The following PIK3CD variants were observed in gnomAD, a reference collection of about 807,000 sequenced individuals.
PIK3CD encodes phosphatidylinositol-4,5-bisphosphate 3-kinase catalytic subunit delta, also known as phosphatidylinositol 4,5-bisphosphate 3-kinase catalytic subunit delta isoform.
Under a neutral mutation model 122.9 loss-of-function variants are expected in PIK3CD, and 20 were observed. The ratio of observed to expected loss-of-function variants is 0.16; its 90% CI spans 0.11 to 0.24. The LOEUF (loss-of-function observed/expected upper bound fraction) is 0.24, where lower values mean the gene tolerates loss of function less well. PIK3CD is among the 10% of genes least tolerant of loss of function. The pLI is 1.00. For missense variants in PIK3CD, 787 were observed against 1,406.3 expected (o/e 0.56, Z 7.04); for synonymous variants, 596 against 593.4 (o/e 1.00, Z -0.06).
intron 1 of PIK3CD, among the ~76,000 whole-genome samples, chr1:9,661,522 G>A (rs1479958638): frequency 6.6e-6 from 1 of 152,112 alleles, no homozygotes; most frequent in Non-Finnish European, 1.5e-5. Flanking sequence ...TGGAGTAGCC[G>A]GGACTGTAGG....
chr1:9,656,303 C>T (rs1323189876), intron 1 of PIK3CD, among the ~76,000 whole-genome samples: 1 of 152,142 alleles, frequency 6.6e-6, no homozygotes, highest in Non-Finnish European at 1.5e-5. Context: ...TATATGCTTA[C>T]CAACTGACCA....
intron 1 of PIK3CD, among the ~76,000 whole-genome samples, chr1:9,683,629 T>C (rs538895368): frequency 6.6e-6 from 1 of 152,002 alleles, no homozygotes; most frequent in African/African-American, 2.4e-5. Flanking sequence ...AACTATTTAG[T>C]GGGGTTGTTT....
intron 2 of PIK3CD, among the ~76,000 whole-genome samples, chr1:9,697,440 T>A (rs1208419910): frequency 1.3e-5 from 2 of 151,576 alleles, no homozygotes; most frequent in Admixed American, 1.3e-4. Flanking sequence ...ATGCCTGTAA[T>A]CCCAGGACTT....
intron 1 of PIK3CD, among the ~76,000 whole-genome samples, chr1:9,682,477 A>T (rs1311393720): frequency 6.6e-6 from 1 of 152,012 alleles, no homozygotes; most frequent in African/African-American, 2.4e-5. Context: ...ACCTCAGGTG[A>T]TCTGCCCACC....
At chr1:9,662,996 C>G (rs1222372426) in intron 1 of PIK3CD, among the ~76,000 whole-genome samples, 2 of 152,126 alleles carry the variant, frequency 1.3e-5, no homozygotes, top group Non-Finnish European at 2.9e-5. Context: ...GCAGCGGTTC[C>G]ATTTCTTTAT....
At chr1:9,716,934 C>G (rs1470786307) in intron 6 of PIK3CD, 25 bp from the exon 7 acceptor site, 1 of 1,613,528 alleles carries the variant, frequency 6.2e-7, no homozygotes, top group Admixed American at 1.7e-5. Flanking sequence ...GCCCCACCAG[C>G]CGCTCACCCT....
rs933479371 is a variant in PIK3CD at position 9,718,497 on chromosome 1, C to G, written c.1021-197C>G. ...GTAGCTGAGACAGGGCACCCATGCACAGCCCGTGGTACCCTCCCTCACCCC... is the reference window on the plus strand; with the variant it reads ...GTAGCTGAGACAGGGCACCCATGCAGAGCCCGTGGTACCCTCCCTCACCCC... On this transcript the variant is annotated intron_variant, in intron 8 of 23. Transcript: ENST00000377346. This position sits in a 1 kb window ranked among gnomAD's most constrained non-coding sequence, Gnocchi z 7.2. Among the ~76,000 whole-genome samples, 1 of 152,102 alleles carries G rather than the reference C, an allele frequency of 6.6e-6. No individual in the cohort carries two copies. The highest frequency in any genetic ancestry group is 1.5e-5 in the Non-Finnish European group (1 of 67,992).
At position 9,726,164 on chromosome 1, in the gene PIK3CD, G is replaced by A. The variant is rs765066180; in HGVS notation, c.2998-745G>A. On this transcript the variant is annotated intron_variant, in intron 23 of 23. Transcript: ENST00000377346. Reference sequence around the variant, plus strand: ...AGAGACTGAGGCTGCAGTAAGCCTAGATCGCGCCACTGCACTCCAGCTCGG... The same window carrying A: ...AGAGACTGAGGCTGCAGTAAGCCTAAATCGCGCCACTGCACTCCAGCTCGG... Among the ~76,000 whole-genome samples, 9 of 152,156 alleles carry A rather than the reference G, an allele frequency of 5.9e-5. No individual in the cohort carries two copies. The Middle Eastern group carries it at 0.02, about 345-fold the overall frequency.
chr1:9,656,313 A>G (rs1353626913), intron 1 of PIK3CD, among the ~76,000 whole-genome samples: 2 of 152,202 alleles, frequency 1.3e-5, no homozygotes, highest in Non-Finnish European at 2.9e-5. Flanking sequence ...CCAACTGACC[A>G]TTCCAAATCC....
rs1443789252 is a variant in PIK3CD, at chr1:9,717,529, G to A, written c.931-8G>A. 1 of 1,613,664 alleles carries A rather than the reference G, an allele frequency of 6.2e-7. No individual in the cohort carries two copies. The highest frequency in any genetic ancestry group is 8.5e-7 in the Non-Finnish European group (1 of 1,179,728). ...CCGTGTTAACAGCCCTGCTTCCCCGGCCCCCAGCCTTCCTCTGTGTCCCTG... is the reference window on the plus strand; with the variant it reads ...CCGTGTTAACAGCCCTGCTTCCCCGACCCCCAGCCTTCCTCTGTGTCCCTG... On this transcript the variant is annotated splice_region_variant and splice_polypyrimidine_tract_variant and intron_variant, in intron 7 of 23. Coordinates refer to ENST00000377346, the MANE Select transcript of PIK3CD (RefSeq NM_005026.5). The surrounding 1 kb of genome is among the most constrained non-coding windows in gnomAD (Gnocchi z 5.4).
intron 1 of PIK3CD, among the ~76,000 whole-genome samples, chr1:9,667,739 CTTTTTT>C (rs367559680): frequency 2.2e-5 from 3 of 136,956 alleles, no homozygotes; most frequent in African/African-American, 8.1e-5. Flanking sequence ...TTTTCTTTTT[CTTTTTT>C]TTTTTTTTTG....
chr1:9,652,045 C>T lies in PIK3CD; in HGVS notation c.-138+243C>T, dbSNP rs893559401. ...GCCCTAGAGGCCCGGGGCCGTCCCCCGTGGGCCCGCCGAGAGGGGCGTGCG... is the reference window on the plus strand; with the variant it reads ...GCCCTAGAGGCCCGGGGCCGTCCCCTGTGGGCCCGCCGAGAGGGGCGTGCG... On this transcript the variant is annotated intron_variant, in intron 1 of 23. Transcript: ENST00000377346. The surrounding 1 kb of genome is among the most constrained non-coding windows in gnomAD (Gnocchi z 6.2). Among the ~76,000 whole-genome samples, 1 of 151,794 alleles carries T rather than the reference C, an allele frequency of 6.6e-6. No homozygotes were observed. The highest frequency in any genetic ancestry group is 2.4e-5 in the African/African-American group (1 of 41,352).
In PIK3CD at chr1:9,692,593, A is replaced by G. The variant is rs557340583; in HGVS notation, c.-33+1022A>G. ...AAAATACAAAAAATTAGCTGGGCGT[A>G]GTGGTGGGCACCTGTAATCCCAGCT... is the stretch of plus-strand genomic sequence containing the variant. On this transcript the variant is annotated intron_variant, in intron 2 of 23. Coordinates refer to ENST00000377346, the MANE Select transcript of PIK3CD (RefSeq NM_005026.5). Among the ~76,000 whole-genome samples the G allele has an allele frequency of 7.2e-5, 11 of 152,082 alleles. No homozygotes were observed. The East Asian group carries it at 9.7e-4, about 13-fold the overall frequency.
At position 9,717,129 on chromosome 1, in the gene PIK3CD, TC is replaced by T; in HGVS notation, c.930+25del. 2 of 1,613,594 alleles carry T rather than the reference TC, an allele frequency of 1.2e-6. No homozygotes were observed. The highest frequency in any genetic ancestry group is 2.2e-5 in the South Asian group (2 of 91,072). On this transcript the variant is annotated intron_variant, in intron 7 of 23. Coordinates refer to ENST00000377346, the MANE Select transcript of PIK3CD (RefSeq NM_005026.5). The surrounding 1 kb of genome is among the most constrained non-coding windows in gnomAD (Gnocchi z 5.4). ...AGAAGGTGAGATGGCGCCTTCCGCC[TC>T]CCCTCTGAGCCACCCCTTCTTTCCA...
intron 1 of PIK3CD, among the ~76,000 whole-genome samples, chr1:9,687,719 A>C (rs2100379461): frequency 6.6e-6 from 1 of 152,282 alleles, no homozygotes; most frequent in African/African-American, 2.4e-5. Flanking sequence ...GAGCGCGTGT[A>C]TGAGCACGAG....
intron 1 of PIK3CD, among the ~76,000 whole-genome samples, chr1:9,678,868 G>A (rs140600592): frequency 6.6e-6 from 1 of 152,266 alleles, no homozygotes; most frequent in African/African-American, 2.4e-5. Context: ...CCTTTCTGGG[G>A]CTTTCAGCAA....
At chr1:9,687,102 C>T (rs1230510361) in intron 1 of PIK3CD, among the ~76,000 whole-genome samples, 2 of 152,136 alleles carry the variant, frequency 1.3e-5, no homozygotes, top group East Asian at 3.9e-4. Flanking sequence ...AATTTGAACC[C>T]CCAGCGGATC....
At chr1:9,654,193 C>T in intron 1 of PIK3CD, 1 of 1,363,934 alleles carries the variant, frequency 7.3e-7, no homozygotes, top group Non-Finnish European at 9.8e-7. Context: ...GGCCACACTA[C>T]TCACTTAGAT....
chr1:9,697,321 G>A (rs2100571557), intron 2 of PIK3CD, among the ~76,000 whole-genome samples: 1 of 152,258 alleles, frequency 6.6e-6, no homozygotes, highest in East Asian at 1.9e-4. Flanking sequence ...TTTATTGGGT[G>A]TGGTATATAT....
Sources: gnomAD v4.1 joint callset for allele counts (sites outside exome capture counted in the v4.1 genomes callset) on GRCh38, gnomAD v4.1.1 for gene constraint, Gnocchi (gnomAD v3.1) non-coding constraint, MANE v1.5 for transcripts, NCBI Gene and HGNC (gene_info 2026-07-23, HGNC 2026-07-21) for gene names.